Variants in JAK2 observed in about 807,000 individuals in gnomAD.
The protein encoded by JAK2 is tyrosine-protein kinase JAK2.
JAK2 carries 86 observed loss-of-function variants against 139.3 expected under a neutral mutation model. The observed-to-expected ratio is 0.62, with a 90% CI of 0.52 to 0.74. The LOEUF (loss-of-function observed/expected upper bound fraction) is 0.74. JAK2 is among the 30% of genes least tolerant of loss of function. JAK2 has a pLI of 0.00. For missense variants in JAK2, 1,421 were observed against 1,360.3 expected (o/e 1.04, Z -0.70); for synonymous variants, 490 against 437.7 (o/e 1.12, Z -1.49).
chr9:5,052,296 A>G (rs1235398845), intron 6 of JAK2, among the ~76,000 whole-genome samples: 5 of 152,064 alleles, frequency 3.3e-5, no homozygotes, highest in Admixed American at 1.3e-4. Flanking sequence ...TTATCCCTAC[A>G]TTATTTAGTC....
chr9:5,111,370 C>T, intron 22 of JAK2: 2 of 405,746 alleles, frequency 4.9e-6, no homozygotes, highest in South Asian at 4.0e-5. Context: ...CCCTCCTACG[C>T]CAGCAGCTCT....
Position 5,038,548 on chromosome 9 carries a change from A to T in JAK2, c.351-5855A>T, listed in dbSNP as rs534586927. On this transcript the variant is annotated intron_variant, in intron 4 of 24. Transcript: ENST00000381652. ...AACCGAATCCAGCAATACAGCTTGA[A>T]TATGTCTTATCTGAAATGCTTGGGA... Among the ~76,000 whole-genome samples, 41 of 152,162 alleles carry T rather than the reference A, an allele frequency of 2.7e-4. No homozygotes were observed. The South Asian group carries it at 8.5e-3, about 32-fold the overall frequency.
chr9:5,015,782 A>C (rs559442819), intron 2 of JAK2, among the ~76,000 whole-genome samples: 3 of 152,166 alleles, frequency 2.0e-5, no homozygotes, highest in Non-Finnish European at 4.4e-5. Flanking sequence ...AATTCGGGAA[A>C]CATTTACTGA....
chr9:5,060,981 G>C (rs1818128751), intron 8 of JAK2, among the ~76,000 whole-genome samples: 1 of 152,204 alleles, frequency 6.6e-6, no homozygotes, highest in Non-Finnish European at 1.5e-5. Flanking sequence ...GTACATCTCT[G>C]TCAGAGCGCT....
At chr9:5,012,315 CG>C (rs1338350985) in intron 2 of JAK2, among the ~76,000 whole-genome samples, 2 of 152,110 alleles carry the variant, frequency 1.3e-5, no homozygotes, top group East Asian at 3.8e-4. Flanking sequence ...CATATCCCCC[CG>C]ATTTGTATCT....
At chr9:5,012,411 C>A in intron 2 of JAK2, among the ~76,000 whole-genome samples, 1 of 151,902 alleles carries the variant, frequency 6.6e-6, no homozygotes, top group South Asian at 2.1e-4. Flanking sequence ...TCATCAGGAA[C>A]ATTAGTGTAG....
chr9:5,076,173 T>C (rs1819295059), intron 14 of JAK2, among the ~76,000 whole-genome samples: 1 of 152,200 alleles, frequency 6.6e-6, no homozygotes, highest in African/African-American at 2.4e-5. Flanking sequence ...CTAGTGATGA[T>C]GCTGTGAACA....
intron 22 of JAK2, among the ~76,000 whole-genome samples, chr9:5,105,406 A>C (rs1241164534): frequency 2.0e-5 from 3 of 152,212 alleles, no homozygotes; most frequent in Admixed American, 2.0e-4. Flanking sequence ...TGCTCAATGA[A>C]ATACAAGAGG....
At chr9:5,091,496 G>A (rs1281076974) in intron 22 of JAK2, 1 of 152,134 alleles carries the variant, frequency 6.6e-6, no homozygotes, top group Non-Finnish European at 1.5e-5. Flanking sequence ...GTTGATTCAT[G>A]AGGATTTTGT....
chr9:5,112,485 C>T, intron 22 of JAK2: 1 of 553,680 alleles, frequency 1.8e-6, no homozygotes, highest in Non-Finnish European at 3.3e-6. Flanking sequence ...CCAGCCCAGA[C>T]AAGGACGAGG....
At chr9:5,042,124 C>CT (rs71326152) in intron 4 of JAK2, among the ~76,000 whole-genome samples, 5,684 of 107,418 alleles carry the variant, frequency 0.053, 125 homozygotes, top group African/African-American at 0.09. Context: ...GCCAAAATTT[C>CT]TTTTTTTTTT....
intron 2 of JAK2, among the ~76,000 whole-genome samples, chr9:4,986,865 G>T (rs1819974704): frequency 6.6e-6 from 1 of 152,140 alleles, no homozygotes; most frequent in African/African-American, 2.4e-5. Context: ...AAGTACCTAT[G>T]CGGGGAATTT....
Position 5,031,957 on chromosome 9 carries a change from G to A in JAK2, c.350+2051G>A, listed in dbSNP as rs146238880. ...CACTGAGCATGAGCCGAAGCAGGGC[G>A]AGGCATCGCCACACCCGGGAAGCGC... On this transcript the variant is annotated intron_variant, in intron 4 of 24. Transcript: ENST00000381652. Among the ~76,000 whole-genome samples the A allele has an allele frequency of 6.5e-3, 984 of 152,350 alleles. 7 individuals are homozygous for A. The highest frequency in any genetic ancestry group is 0.022 in the African/African-American group (904 of 41,584).
At chr9:5,126,629 A>G in intron 24 of JAK2, 55 bp from the exon 25 acceptor site, 1 of 1,266,296 alleles carries the variant, frequency 7.9e-7, no homozygotes, top group Non-Finnish European at 1.1e-6. Flanking sequence ...TCTTCCACCA[A>G]TTAAAAGATG....
intron 22 of JAK2, chr9:5,114,842 C>T: frequency 4.0e-6 from 1 of 248,440 alleles, no homozygotes; most frequent in Non-Finnish European, 8.0e-6. Context: ...GGGCTCTGTC[C>T]AGCTGTGTGG....
At chr9:5,059,530 A>G (rs1005204049) in intron 8 of JAK2, among the ~76,000 whole-genome samples, 9 of 152,114 alleles carry the variant, frequency 5.9e-5, no homozygotes, top group African/African-American at 2.2e-4. Flanking sequence ...ACATTCTTAT[A>G]CATATTTTTT....
At chr9:5,052,628 C>G (rs1471238765) in intron 6 of JAK2, among the ~76,000 whole-genome samples, 1 of 151,972 alleles carries the variant, frequency 6.6e-6, no homozygotes, top group Non-Finnish European at 1.5e-5. Flanking sequence ...AACCCCATGC[C>G]CATTAGCATT....
intron 22 of JAK2, among the ~76,000 whole-genome samples, chr9:5,093,109 A>C (rs1820712107): frequency 1.3e-5 from 2 of 152,172 alleles, no homozygotes; most frequent in South Asian, 4.1e-4. Flanking sequence ...TAACATGAAA[A>C]TATTCTCCAC....
chr9:5,065,076 A>G, intron 9 of JAK2, 36 bp downstream of exon 9: 2 of 1,369,572 alleles, frequency 1.5e-6, no homozygotes, highest in Non-Finnish European at 2.0e-6. Flanking sequence ...ATTTTTAGAA[A>G]AGTAAATGCT....
Sources: allele counts gnomAD v4.1 joint callset (sites outside exome capture counted in the v4.1 genomes callset), GRCh38; gene constraint gnomAD v4.1.1; transcripts MANE v1.5; gene names NCBI Gene and HGNC (gene_info 2026-07-23, HGNC 2026-07-21).